Variants in PPP2R2B observed in about 807,000 individuals in gnomAD.
PPP2R2B encodes protein phosphatase 2 regulatory subunit Bbeta.
A neutral mutation model predicts 46.0 loss-of-function variants in PPP2R2B; 5 were observed. The observed-to-expected ratio is 0.11, with a 90% CI of 0.06 to 0.23. PPP2R2B has a LOEUF of 0.23. Among genes scored for constraint, PPP2R2B ranks in the 10% least tolerant of loss-of-function variants. The pLI is 1.00. For missense variants in PPP2R2B, 367 were observed against 575.0 expected (o/e 0.64, Z 3.70); for synonymous variants, 215 against 206.7 (o/e 1.04, Z -0.34).
At position 146,583,970 on chromosome 5, in the gene PPP2R2B, C is replaced by G. The variant is rs1770016362; in HGVS notation, c.*5977G>C. The G allele has an allele frequency of 6.6e-6, 1 of 152,238 alleles. No individual in the cohort carries two copies. 9.4% of individuals were successfully genotyped at this position (152,238 alleles called of 1,614,324 possible). On this transcript the variant is annotated 3_prime_UTR_variant, in exon 10 of 10. Coordinates refer to ENST00000394411, the MANE Select transcript of PPP2R2B (RefSeq NM_181675.4). ...GTTATGAAGAAGTGTCCTCTCCACT[C>G]TTTCTCAAACCAAATACAGCAGCCA...
Position 146,807,225 on chromosome 5 carries a change from A to G in PPP2R2B, c.70+70777T>C, listed in dbSNP as rs75534213. On this transcript the variant is annotated intron_variant, in intron 2 of 9. Coordinates refer to ENST00000394411, the MANE Select transcript of PPP2R2B (RefSeq NM_181675.4). ...AGATTTTTCATTCTATAATTATACT[A>G]TAAGTGGTCCAGTGTAGTGCACTGT... 4.1e-3 allele frequency among the ~76,000 whole-genome samples: 621 copies of G among 152,318 alleles called. 9 individuals carry two copies. The highest frequency in any genetic ancestry group is 0.014 in the African/African-American group (589 of 41,566).
intron 2 of PPP2R2B, among the ~76,000 whole-genome samples, chr5:147,065,022 C>A (rs1036447894): frequency 6.6e-6 from 1 of 152,154 alleles, no homozygotes; most frequent in Non-Finnish European, 1.5e-5. Flanking sequence ...TTAGCATACA[C>A]CAGGCATGGT....
rs191301826 is a variant in PPP2R2B, at chr5:147,039,561, C to T, written c.79+16104G>A. 3.3e-4 allele frequency among the ~76,000 whole-genome samples: 50 copies of T among 152,252 alleles called. 1 individual carries two copies. The highest frequency in any genetic ancestry group is 1.2e-3 in the African/African-American group (50 of 41,572). On this transcript the variant is annotated intron_variant, in intron 1 of 8. Transcript: ENST00000336640. The stretch of plus-strand genomic sequence containing the variant: ...GCAACTGGGGCCTGAGAAATACTTA[C>T]CAGTAAGCACCCAAATTAGCCACAA...
chr5:146,705,397 C>T (rs535506770), intron 2 of PPP2R2B, among the ~76,000 whole-genome samples: 13 of 151,980 alleles, frequency 8.6e-5, no homozygotes, highest in East Asian at 1.9e-4. Flanking sequence ...GAAGGTTTTG[C>T]GGGGTCACTT....
chr5:146,677,074 G>T (rs1248081571), intron 5 of PPP2R2B, among the ~76,000 whole-genome samples: 2 of 151,876 alleles, frequency 1.3e-5, no homozygotes, highest in African/African-American at 4.9e-5. Flanking sequence ...CTGCTTTGAC[G>T]ATCTTATGTT....
At chr5:146,714,808 T>TG (rs1201112447) in intron 2 of PPP2R2B, among the ~76,000 whole-genome samples, 1 of 152,176 alleles carries the variant, frequency 6.6e-6, no homozygotes, top group Non-Finnish European at 1.5e-5. Flanking sequence ...CTTGATTTTT[T>TG]TTTTGTTTCT....
intron 6 of PPP2R2B, among the ~76,000 whole-genome samples, chr5:146,639,063 G>C (rs1206129610): frequency 2.0e-5 from 3 of 152,112 alleles, no homozygotes; most frequent in Non-Finnish European, 4.4e-5. Flanking sequence ...TTTCAGGGGT[G>C]GAAACGGATG....
chr5:147,077,044 G>A (rs913319830), intron 2 of PPP2R2B, among the ~76,000 whole-genome samples: 4 of 132,198 alleles, frequency 3.0e-5, no homozygotes, highest in Admixed American at 7.2e-5. Context: ...ATTGGTAATG[G>A]CCTGATATAT....
At chr5:146,664,657 A>C (rs992335156) in intron 5 of PPP2R2B, among the ~76,000 whole-genome samples, 2 of 152,064 alleles carry the variant, frequency 1.3e-5, no homozygotes, top group African/African-American at 4.8e-5. Context: ...TCCTTCCTTA[A>C]ATCATGAATG....
chr5:147,049,781 A>G (rs998855130), intron 1 of PPP2R2B, among the ~76,000 whole-genome samples: 2 of 152,100 alleles, frequency 1.3e-5, no homozygotes, highest in Non-Finnish European at 2.9e-5. Flanking sequence ...GCATGACTGG[A>G]CTCTGCAATG....
intron 5 of PPP2R2B, among the ~76,000 whole-genome samples, chr5:146,671,245 G>C (rs1777350190): frequency 6.6e-6 from 1 of 152,138 alleles, no homozygotes; most frequent in Non-Finnish European, 1.5e-5. Context: ...CATGTATGTT[G>C]ATTTTAAGTA....
At chr5:146,911,591 T>C (rs1763185538) in intron 1 of PPP2R2B, among the ~76,000 whole-genome samples, 2 of 152,190 alleles carry the variant, frequency 1.3e-5, no homozygotes, top group African/African-American at 4.8e-5. Flanking sequence ...AAAAATAATA[T>C]TGCCACTGGC....
chr5:146,844,897 C>T (rs890580271), intron 2 of PPP2R2B, among the ~76,000 whole-genome samples: 1 of 152,312 alleles, frequency 6.6e-6, no homozygotes, highest in Non-Finnish European at 1.5e-5. Context: ...GAGGTCAAGG[C>T]AGTCTTCCTA....
chr5:146,856,205 C>T (rs753251042), intron 2 of PPP2R2B, among the ~76,000 whole-genome samples: 1 of 152,194 alleles, frequency 6.6e-6, no homozygotes, highest in Non-Finnish European at 1.5e-5. Flanking sequence ...GTTTAGCCAA[C>T]ACTCTCTCTC....
In PPP2R2B at chr5:146,832,377, ATC is replaced by A. The variant is rs1174628850; in HGVS notation, c.70+45623_70+45624del. ...TACACAAGTAAGTGTGCCATTTTTA[ATC>A]TTTTTTTTTTTTTTTTTTTTTTTTT... On this transcript the variant is annotated intron_variant, in intron 2 of 9. Transcript: ENST00000394411. 1.5e-3 allele frequency among the ~76,000 whole-genome samples: 161 copies of A among 104,324 alleles called. 2 individuals are homozygous for A. The highest frequency in any genetic ancestry group is 5.6e-3 in the African/African-American group (153 of 27,492). The allele number at this position is 104,324 out of a possible 152,430, so 68.4% of individuals were successfully genotyped here.
At chr5:146,885,684 G>T (rs2151425070) in intron 1 of PPP2R2B, among the ~76,000 whole-genome samples, 1 of 152,232 alleles carries the variant, frequency 6.6e-6, no homozygotes, top group East Asian at 1.9e-4. Flanking sequence ...TCATGTAGTA[G>T]CATTATTTAT....
chr5:146,782,953 A>G (rs1755625081), intron 2 of PPP2R2B, among the ~76,000 whole-genome samples: 1 of 152,170 alleles, frequency 6.6e-6, no homozygotes, highest in Non-Finnish European at 1.5e-5. Flanking sequence ...CATAGAATCG[A>G]TATGGAAAAA....
At chr5:146,861,905 T>C (rs921232901) in intron 2 of PPP2R2B, among the ~76,000 whole-genome samples, 4 of 151,722 alleles carry the variant, frequency 2.6e-5, no homozygotes, top group African/African-American at 9.7e-5. Context: ...ATAGCCAATA[T>C]TAATAAACTT....
chr5:146,930,606 C>A (rs914345551), intron 1 of PPP2R2B, among the ~76,000 whole-genome samples: 1 of 152,162 alleles, frequency 6.6e-6, no homozygotes, highest in African/African-American at 2.4e-5. Flanking sequence ...GTAATCTTTT[C>A]TCTCCACCAT....
Sources: gnomAD v4.1 joint callset for allele counts (sites outside exome capture counted in the v4.1 genomes callset) on GRCh38, gnomAD v4.1.1 for gene constraint, MANE v1.5 for transcripts, NCBI Gene and HGNC (gene_info 2026-07-23, HGNC 2026-07-21) for gene names.